The following ROCK2 variants were observed in gnomAD, a reference collection of about 807,000 sequenced individuals.
The protein encoded by ROCK2 is rho-associated protein kinase 2.
ROCK2 carries 61 observed loss-of-function variants against 195.1 expected under a neutral mutation model. The observed-to-expected ratio is 0.31, with a 90% CI of 0.25 to 0.39. ROCK2 has a LOEUF of 0.39. Among genes scored for constraint, ROCK2 ranks in the 10% least tolerant of loss-of-function variants. The probability of loss-of-function intolerance (pLI) is 1.00; values close to 1 mark genes in which losing one functional copy is unlikely to be tolerated. For missense variants in ROCK2, 1,109 were observed against 1,637.4 expected (o/e 0.68, Z 5.57); for synonymous variants, 504 against 545.5 (o/e 0.92, Z 1.06).
Position 11,215,047 on chromosome 2 carries a change from T to C in ROCK2, c.1729A>G (p.Thr577Ala), listed in dbSNP as rs1664377683. The change falls in exon 16 of 33, where the codon ACT becomes GCT. Residue 577 changes from threonine (T) to alanine (A), a missense_variant. By Grantham distance (58) the Thr-to-Ala change is moderately conservative. Transcript: ENST00000315872. ...TGGGTTTTCCTTAACCGGGCTGCAGTATCAGACTCTGTTCGCAGTAAAGCA... is the reference window on the plus strand; with the variant it reads ...TGGGTTTTCCTTAACCGGGCTGCAGCATCAGACTCTGTTCGCAGTAAAGCA... ...TNALLRTESD[T>A]AARLRKTQAE... 6.2e-7 allele frequency: 1 copy of C among 1,614,000 alleles called. No homozygotes were observed. Among genetic ancestry groups the C allele is most frequent in the Non-Finnish European group, 8.5e-7 (1 of 1,179,990 alleles).
At position 11,192,968 on chromosome 2, in the gene ROCK2, A is replaced by G. The variant is rs1346009093; in HGVS notation, c.3688-256T>C. Among the ~76,000 whole-genome samples the G allele has an allele frequency of 6.6e-6, 1 of 152,186 alleles. No individual in the cohort carries two copies. The highest frequency in any genetic ancestry group is 1.5e-5 in the Non-Finnish European group (1 of 68,030). ...CAAATGCTGCCTCCTTATTTTCTTT[A>G]TAACACCCATGCTTTAGCAGCACTA... On this transcript the variant is annotated intron_variant, in intron 30 of 32. Transcript: ENST00000315872. The surrounding 1 kb of genome is among the most constrained non-coding windows in gnomAD (Gnocchi z 5.0).
chr2:11,338,244 G>A (rs1043569250), intron 1 of ROCK2, among the ~76,000 whole-genome samples: 5 of 151,848 alleles, frequency 3.3e-5, no homozygotes, highest in African/African-American at 1.2e-4. Flanking sequence ...CCTACTAGAG[G>A]GGCTAAGTTG....
chr2:11,199,542 C>T (rs144542393), intron 23 of ROCK2, among the ~76,000 whole-genome samples: 1 of 151,044 alleles, frequency 6.6e-6, no homozygotes, highest in Non-Finnish European at 1.5e-5. Flanking sequence ...GTTGCCTAGG[C>T]TGGTCTCAAA....
intron 32 of ROCK2, 115 bp from the exon 33 acceptor site, chr2:11,183,555 ATATTTTT>A: frequency 1.4e-6 from 1 of 695,056 alleles, no homozygotes; most frequent in East Asian, 3.0e-5. Context: ...TCCAGCTACT[ATATTTTT>A]TAACACTAAA....
At chr2:11,302,732 C>T (rs1667745537) in intron 1 of ROCK2, among the ~76,000 whole-genome samples, 1 of 152,034 alleles carries the variant, frequency 6.6e-6, no homozygotes, top group South Asian at 2.1e-4. Context: ...TATGAAATAA[C>T]TGTTTTAATA....
At chr2:11,221,103 A>G (rs1664622388) in intron 9 of ROCK2, 95 bp downstream of exon 9, 1 of 877,408 alleles carries the variant, frequency 1.1e-6, no homozygotes, top group African/African-American at 1.7e-5. Context: ...AAACAAATTA[A>G]TACTTTATCT....
At chr2:11,206,802 T>A (rs1480891661) in intron 20 of ROCK2, among the ~76,000 whole-genome samples, 3 of 152,220 alleles carry the variant, frequency 2.0e-5, no homozygotes, top group Non-Finnish European at 4.4e-5. Context: ...TGCTATCCTT[T>A]ACAAGATCCC....
intron 4 of ROCK2, among the ~76,000 whole-genome samples, chr2:11,237,377 G>A (rs747059353): frequency 2.8e-4 from 43 of 152,142 alleles, no homozygotes; most frequent in Non-Finnish European, 7.3e-5. Context: ...TGTCAGAAAA[G>A]CACCAACGTC....
chr2:11,224,580 A>G, intron 6 of ROCK2, 120 bp from the exon 7 acceptor site: 3 of 836,554 alleles, frequency 3.6e-6, no homozygotes, highest in Admixed American at 2.4e-5. Flanking sequence ...CAAATATTCT[A>G]CGGGCACAGA....
Position 11,215,656 on chromosome 2 carries a change from G to A in ROCK2, c.1462-11C>T, listed in dbSNP as rs1325711291. ...TTTCCGTAAGGTAATCTGAAATAAT[G>A]CTTAAAGTTATTATCAAAAAAGTAT... is the stretch of plus-strand genomic sequence containing the variant. On this transcript the variant is annotated splice_polypyrimidine_tract_variant and intron_variant, in intron 13 of 32. Coordinates refer to ENST00000315872, the MANE Select transcript of ROCK2 (RefSeq NM_004850.5). 1.3e-6 allele frequency: 2 copies of A among 1,575,428 alleles called. No individual in the cohort carries two copies. The highest frequency in any genetic ancestry group is 8.6e-7 in the Non-Finnish European group (1 of 1,164,794).
intron 1 of ROCK2, among the ~76,000 whole-genome samples, chr2:11,333,031 T>C (rs1668817149): frequency 6.6e-6 from 1 of 152,028 alleles, no homozygotes; most frequent in Non-Finnish European, 1.5e-5. Flanking sequence ...TGACTGCAAA[T>C]AAGATCAAGG....
chr2:11,340,321 T>C (rs1170164579), intron 1 of ROCK2, among the ~76,000 whole-genome samples: 1 of 152,050 alleles, frequency 6.6e-6, no homozygotes, highest in African/African-American at 2.4e-5. Context: ...AATGTGAGAT[T>C]AGGTCAGATG....
chr2:11,288,208 AAAC>A (rs1202767074), intron 1 of ROCK2, among the ~76,000 whole-genome samples: 2 of 152,180 alleles, frequency 1.3e-5, no homozygotes, highest in Non-Finnish European at 2.9e-5. Context: ...TTTCCTCTTA[AAAC>A]AACAACAAAA....
chr2:11,273,224 T>G (rs180991240), intron 3 of ROCK2, among the ~76,000 whole-genome samples: 1 of 150,656 alleles, frequency 6.6e-6, no homozygotes, highest in Non-Finnish European at 1.5e-5. Context: ...AAGACAGAGA[T>G]TGGCAGAATG....
At position 11,256,697 on chromosome 2, in the gene ROCK2, T is replaced by A. The variant is rs577053994; in HGVS notation, c.325-6899A>T. Reference sequence around the variant, plus strand: ...AAGGGTAAAAAAGTTGGTATATAAATAATAAAGCAGACTTCAAGGCAAAGA... The same window carrying A: ...AAGGGTAAAAAAGTTGGTATATAAAAAATAAAGCAGACTTCAAGGCAAAGA... On this transcript the variant is annotated intron_variant, in intron 3 of 32. Transcript: ENST00000315872. Among the ~76,000 whole-genome samples the A allele has an allele frequency of 4.0e-5, 6 of 151,234 alleles. 1 individual carries two copies. Among genetic ancestry groups the A allele is most frequent in the African/African-American group, 1.2e-4 (5 of 40,674 alleles).
At chr2:11,255,975 T>G (rs1241201970) in intron 3 of ROCK2, among the ~76,000 whole-genome samples, 2 of 136,076 alleles carry the variant, frequency 1.5e-5, no homozygotes, top group Non-Finnish European at 3.1e-5. Context: ...TGGAAGTCAG[T>G]GAACTTCAAC....
intron 1 of ROCK2, among the ~76,000 whole-genome samples, chr2:11,306,911 C>A (rs1416949003): frequency 1.3e-5 from 2 of 152,088 alleles, no homozygotes; most frequent in East Asian, 3.9e-4. Flanking sequence ...CTATAGCAGA[C>A]CTGCTTGAAA....
chr2:11,345,087 C>T (rs987191197), upstream of ROCK2, among the ~76,000 whole-genome samples: 1 of 152,074 alleles, frequency 6.6e-6, no homozygotes, highest in Non-Finnish European at 1.5e-5. Flanking sequence ...TCGCCTCACC[C>T]GCGCCCAAAT....
In ROCK2 at chr2:11,182,179, ACTT is replaced by A. The variant is rs1481862297; in HGVS notation, c.*1255_*1257del. 3 of 152,162 alleles carry A rather than the reference ACTT, an allele frequency of 2.0e-5. No homozygotes were observed. The highest frequency in any genetic ancestry group is 7.2e-5 in the African/African-American group (3 of 41,422). 9.4% of individuals were successfully genotyped at this position (152,162 alleles called of 1,614,324 possible). A position where few individuals can be genotyped will look rare whatever the true frequency, so the allele number is the denominator to read the frequency against. On this transcript the variant is annotated 3_prime_UTR_variant, in exon 33 of 33. Transcript: ENST00000315872. ...AATCAAATTAAGTGCCTTTGAGGCCACTTCTTCCCAGTTGCCAGTTTTCTTAAC... is the reference window on the plus strand; with the variant it reads ...AATCAAATTAAGTGCCTTTGAGGCCACTTCCCAGTTGCCAGTTTTCTTAAC...
Sources: allele counts gnomAD v4.1 joint callset (sites outside exome capture counted in the v4.1 genomes callset), GRCh38; gene constraint gnomAD v4.1.1; non-coding constraint Gnocchi (gnomAD v3.1); transcripts MANE v1.5; gene names NCBI Gene and HGNC (gene_info 2026-07-23, HGNC 2026-07-21).